Variants in SLC39A11 observed in about 807,000 individuals in gnomAD.
SLC39A11 encodes zinc transporter ZIP11.
In SLC39A11, 33 loss-of-function variants were observed where a neutral mutation model predicts 36.1. The observed-to-expected ratio is 0.91, with a 90% CI of 0.69 to 1.22. The LOEUF is 1.22. Ranked by LOEUF, SLC39A11 falls within the 50% of genes most tolerant of loss-of-function variation. SLC39A11 has a pLI of 0.00. For synonymous variants in SLC39A11, 166 were observed against 170.3 expected (o/e 0.97, Z 0.20); for missense variants, 432 against 430.3 (o/e 1.00, Z -0.03).
At chr17:72,745,125 A>G (rs1394955872) in intron 6 of SLC39A11, among the ~76,000 whole-genome samples, 3 of 152,222 alleles carry the variant, frequency 2.0e-5, no homozygotes, top group African/African-American at 7.2e-5. Flanking sequence ...TACCGGCATG[A>G]GCCACTGCAC....
intron 5 of SLC39A11, among the ~76,000 whole-genome samples, chr17:72,870,065 T>C (rs988133945): frequency 3.9e-5 from 6 of 152,124 alleles, no homozygotes; most frequent in African/African-American, 1.4e-4. Flanking sequence ...CTGTAGATTT[T>C]TCTACATCTG....
At chr17:73,016,515 G>A (rs1248153934) in intron 4 of SLC39A11, among the ~76,000 whole-genome samples, 1 of 151,794 alleles carries the variant, frequency 6.6e-6, no homozygotes, top group Admixed American at 6.6e-5. Context: ...TGTATTTTTA[G>A]TACAGACAGG....
intron 3 of SLC39A11, among the ~76,000 whole-genome samples, chr17:73,038,896 C>T (rs1205185422): frequency 2.6e-5 from 4 of 152,010 alleles, no homozygotes; most frequent in Non-Finnish European, 4.4e-5. Flanking sequence ...AACTCTTCTG[C>T]TCCCTCACCT....
chr17:72,967,087 G>A (rs1417902084), intron 4 of SLC39A11, among the ~76,000 whole-genome samples: 1 of 152,156 alleles, frequency 6.6e-6, no homozygotes, highest in African/African-American at 2.4e-5. Context: ...CTCGTTGCAG[G>A]AAAATGAGCT....
intron 7 of SLC39A11, among the ~76,000 whole-genome samples, chr17:72,657,312 A>T (rs962161616): frequency 5.3e-5 from 8 of 152,236 alleles, no homozygotes; most frequent in Non-Finnish European, 1.0e-4. Flanking sequence ...GTGAGCCGAG[A>T]TAGCGCCACC....
chr17:73,057,271 C>A (rs530554943), intron 3 of SLC39A11, among the ~76,000 whole-genome samples: 1 of 152,304 alleles, frequency 6.6e-6, no homozygotes, highest in East Asian at 1.9e-4. Flanking sequence ...GGCCAGGATG[C>A]ACTTTTAACT....
At chr17:72,692,226 T>TGG (rs147153005) in intron 7 of SLC39A11, among the ~76,000 whole-genome samples, 5,335 of 152,202 alleles carry the variant, frequency 0.035, 290 homozygotes, top group African/African-American at 0.12. Context: ...TTAGCCAGGA[T>TGG]GGTCTCGATC....
intron 6 of SLC39A11, among the ~76,000 whole-genome samples, chr17:72,804,838 G>A (rs879918465): frequency 1.3e-5 from 2 of 152,130 alleles, no homozygotes; most frequent in Admixed American, 6.5e-5. Flanking sequence ...TGGCCAACAT[G>A]GTGAAACCCC....
intron 4 of SLC39A11, among the ~76,000 whole-genome samples, chr17:72,984,390 AAAAG>A (rs897236937): frequency 1.3e-5 from 2 of 152,044 alleles, no homozygotes; most frequent in African/African-American, 4.8e-5. Flanking sequence ...AAAAAAAAAA[AAAAG>A]AAAGAAAAGA....
intron 6 of SLC39A11, among the ~76,000 whole-genome samples, chr17:72,801,158 A>G (rs2077072089): frequency 6.6e-6 from 1 of 152,152 alleles, no homozygotes; most frequent in Admixed American, 6.5e-5. Context: ...TTGAGAGGGA[A>G]TGGGGTTGGG....
chr17:72,777,279 G>A (rs1337733114), intron 6 of SLC39A11, among the ~76,000 whole-genome samples: 2 of 152,154 alleles, frequency 1.3e-5, no homozygotes, highest in Non-Finnish European at 2.9e-5. Context: ...GGGGCAGGAA[G>A]GGAGTTACCT....
intron 5 of SLC39A11, among the ~76,000 whole-genome samples, chr17:72,930,458 G>A (rs968437791): frequency 1.3e-5 from 2 of 152,152 alleles, no homozygotes; most frequent in Non-Finnish European, 2.9e-5. Flanking sequence ...ACAGGTCTAC[G>A]GCAGCAAAGG....
intron 3 of SLC39A11, among the ~76,000 whole-genome samples, chr17:73,055,294 G>A (rs2059629453): frequency 6.6e-6 from 1 of 152,120 alleles, no homozygotes; most frequent in South Asian, 2.1e-4. Context: ...GCACATTAAG[G>A]CTCTCAAAGG....
chr17:72,949,082 T>C (rs1428847839), intron 4 of SLC39A11, among the ~76,000 whole-genome samples: 1 of 149,378 alleles, frequency 6.7e-6, no homozygotes, highest in Non-Finnish European at 1.5e-5. Context: ...AGATATTTCT[T>C]GAAACCTAGG....
chr17:72,714,546 T>TC (rs2073264770), intron 7 of SLC39A11, among the ~76,000 whole-genome samples: 1 of 152,148 alleles, frequency 6.6e-6, no homozygotes, highest in Admixed American at 6.5e-5. Flanking sequence ...AACATCCACC[T>TC]CCTGCTGAGT....
intron 4 of SLC39A11, among the ~76,000 whole-genome samples, chr17:72,988,209 T>C (rs1033121564): frequency 1.3e-5 from 2 of 152,170 alleles, no homozygotes; most frequent in South Asian, 4.1e-4. Flanking sequence ...TCCCAACACT[T>C]TGGGGGGCCA....
At chr17:72,840,872 G>A (rs538915188) in intron 6 of SLC39A11, among the ~76,000 whole-genome samples, 69 of 151,814 alleles carry the variant, frequency 4.5e-4, no homozygotes, top group Admixed American at 4.6e-4. Flanking sequence ...TGGCTAACAC[G>A]GTGAAACCCC....
intron 5 of SLC39A11, among the ~76,000 whole-genome samples, chr17:72,906,995 T>A (rs1197919255): frequency 6.6e-6 from 1 of 152,180 alleles, no homozygotes; most frequent in Admixed American, 6.5e-5. Flanking sequence ...CCAATTCCAC[T>A]AAAGCATAAG....
intron 4 of SLC39A11, among the ~76,000 whole-genome samples, chr17:73,006,543 C>A (rs1228678409): frequency 6.6e-6 from 1 of 152,070 alleles, no homozygotes; most frequent in African/African-American, 2.4e-5. Context: ...ACTATCTGAC[C>A]TTTTACAGAA....
Sources: allele counts gnomAD v4.1 joint callset (sites outside exome capture counted in the v4.1 genomes callset), GRCh38; gene constraint gnomAD v4.1.1; transcripts MANE v1.5; gene names NCBI Gene and HGNC (gene_info 2026-07-23, HGNC 2026-07-21).